The following KCNQ3 variants were observed in gnomAD, a reference collection of about 807,000 sequenced individuals.
KCNQ3 encodes potassium voltage-gated channel subfamily Q member 3, also known as potassium voltage-gated channel subfamily KQT member 3.
Under a neutral mutation model 92.5 loss-of-function variants are expected in KCNQ3, and 30 were observed. That is an observed-to-expected ratio of 0.32 (90% CI 0.24 to 0.44). The LOEUF (loss-of-function observed/expected upper bound fraction) is 0.44. KCNQ3 is among the 20% of genes least tolerant of loss of function. The pLI is 1.00. For missense variants in KCNQ3, 913 were observed against 1,140.3 expected (o/e 0.80, Z 2.87); for synonymous variants, 450 against 468.8 (o/e 0.96, Z 0.52).
intron 1 of KCNQ3, among the ~76,000 whole-genome samples, chr8:132,399,210 C>T (rs1409835557): frequency 6.6e-6 from 1 of 152,190 alleles, no homozygotes; most frequent in Non-Finnish European, 1.5e-5. Flanking sequence ...CAATAAAAAA[C>T]TCTTTTAATG....
chr8:132,426,448 G>C (rs1488496019), intron 1 of KCNQ3, among the ~76,000 whole-genome samples: 2 of 152,232 alleles, frequency 1.3e-5, no homozygotes, highest in African/African-American at 4.8e-5. Context: ...GCCTCTCACA[G>C]CCTGGTTTGC....
intron 1 of KCNQ3, among the ~76,000 whole-genome samples, chr8:132,188,654 G>T (rs551868645): frequency 1.3e-5 from 2 of 152,298 alleles, no homozygotes; most frequent in African/African-American, 4.8e-5. Context: ...TTTATTTGGT[G>T]CCTCTTTTGT....
At chr8:132,290,856 C>T (rs754384001) in intron 1 of KCNQ3, among the ~76,000 whole-genome samples, 1 of 152,100 alleles carries the variant, frequency 6.6e-6, no homozygotes, top group African/African-American at 2.4e-5. Context: ...GAAGAATACT[C>T]GAGTCCTGCA....
chr8:132,175,253 C>T (rs371542384), intron 5 of KCNQ3, among the ~76,000 whole-genome samples, 200 bp downstream of exon 5: 12 of 152,356 alleles, frequency 7.9e-5, no homozygotes, highest in South Asian at 2.1e-4. Flanking sequence ...TTCTTATAAA[C>T]GCTAGAGAAA....
intron 1 of KCNQ3, among the ~76,000 whole-genome samples, chr8:132,418,516 T>TG (rs1820881040): frequency 6.6e-6 from 1 of 152,184 alleles, no homozygotes; most frequent in African/African-American, 2.4e-5. Context: ...CCGGGCACAG[T>TG]GGTTCACACC....
rs113979022 is a variant in KCNQ3, at chr8:132,324,142, C to T, written c.387-137961G>A. ...TTTCAATCTGAAATATCCTTCAAGC[C>T]ATTCAATACCATGTTCAAATGTCAA... On this transcript the variant is annotated intron_variant, in intron 1 of 14. Transcript: ENST00000388996. Among the ~76,000 whole-genome samples the T allele has an allele frequency of 7.7e-3, 1,165 of 152,280 alleles. 16 individuals are homozygous for T. The highest frequency in any genetic ancestry group is 0.027 in the African/African-American group (1,105 of 41,550).
intron 1 of KCNQ3, among the ~76,000 whole-genome samples, chr8:132,211,518 T>C (rs1813852486): frequency 6.6e-6 from 1 of 152,246 alleles, no homozygotes; most frequent in South Asian, 2.1e-4. Flanking sequence ...GATCTATAAA[T>C]GTGTCACTTT....
At chr8:132,255,352 T>C (rs761762830) in intron 1 of KCNQ3, among the ~76,000 whole-genome samples, 1 of 152,166 alleles carries the variant, frequency 6.6e-6, no homozygotes, top group East Asian at 1.9e-4. Flanking sequence ...CAGAGAAGTT[T>C]GTTGAAAACA....
Position 132,480,622 on chromosome 8 carries a change from G to T in KCNQ3, c.-90C>A, listed in dbSNP as rs1419580821. On this transcript the variant is annotated 5_prime_UTR_variant, in exon 1 of 15. Transcript: ENST00000388996. ...GGTGCGTGAACGAGGCGGCGGCGGC[G>T]GCTGCAAGCCCGGGAACTCCAATGC... is the stretch of plus-strand genomic sequence containing the variant. 5 of 1,182,216 alleles carry T rather than the reference G, an allele frequency of 4.2e-6. No homozygotes were observed. The highest frequency in any genetic ancestry group is 2.9e-5 in the Admixed American group (1 of 34,970). The allele number at this position is 1,182,216 out of a possible 1,614,324, so 73.2% of individuals were successfully genotyped here. A position where few individuals can be genotyped will look rare whatever the true frequency, so the allele number is the denominator to read the frequency against.
intron 1 of KCNQ3, among the ~76,000 whole-genome samples, chr8:132,266,297 G>A (rs995222212): frequency 2.0e-5 from 3 of 152,126 alleles, no homozygotes; most frequent in East Asian, 1.9e-4. Context: ...ATAGTCTCTC[G>A]GCCACCTCAG....
intron 1 of KCNQ3, among the ~76,000 whole-genome samples, chr8:132,443,527 A>T (rs1332067947): frequency 6.6e-6 from 1 of 151,690 alleles, no homozygotes; most frequent in Non-Finnish European, 1.5e-5. Context: ...ATACATGGAG[A>T]AAAGGGCTTT....
At chr8:132,316,460 T>G (rs1817746378) in intron 1 of KCNQ3, among the ~76,000 whole-genome samples, 1 of 152,240 alleles carries the variant, frequency 6.6e-6, no homozygotes, top group Non-Finnish European at 1.5e-5. Flanking sequence ...CCCAAGCTTC[T>G]GATTTCTCAT....
intron 1 of KCNQ3, among the ~76,000 whole-genome samples, chr8:132,441,582 AAAAC>A (rs56692449): frequency 0.24 from 36,777 of 150,652 alleles, 4,593 homozygotes; most frequent in East Asian, 0.27. Flanking sequence ...AAAACAAAAC[AAAAC>A]AAACAAACAA....
chr8:132,469,416 G>A (rs1314523260), intron 1 of KCNQ3, among the ~76,000 whole-genome samples: 1 of 152,162 alleles, frequency 6.6e-6, no homozygotes, highest in African/African-American at 2.4e-5. Context: ...AGCAGGTATT[G>A]CGATGCCCAT....
chr8:132,425,054 T>A (rs1445833679), intron 1 of KCNQ3, among the ~76,000 whole-genome samples: 1 of 152,218 alleles, frequency 6.6e-6, no homozygotes, highest in Non-Finnish European at 1.5e-5. Flanking sequence ...GGATTCCCAG[T>A]GCCTTTGGAA....
At chr8:132,302,967 G>C (rs1460367634) in intron 1 of KCNQ3, among the ~76,000 whole-genome samples, 2 of 152,098 alleles carry the variant, frequency 1.3e-5, no homozygotes, top group Non-Finnish European at 2.9e-5. Context: ...CCACCCTCCT[G>C]GGGAGCATGC....
At chr8:132,389,011 C>A (rs1334832632) in intron 1 of KCNQ3, among the ~76,000 whole-genome samples, 1 of 152,170 alleles carries the variant, frequency 6.6e-6, no homozygotes, top group African/African-American at 2.4e-5. Context: ...ACACATTTGG[C>A]CTCTACCTCA....
chr8:132,287,644 A>G (rs1052489795), intron 1 of KCNQ3, among the ~76,000 whole-genome samples: 19 of 152,210 alleles, frequency 1.2e-4, no homozygotes, highest in African/African-American at 4.6e-4. Flanking sequence ...TCAACCTTGA[A>G]ATTTGGTGGA....
At chr8:132,289,441 C>T (rs562399605) in intron 1 of KCNQ3, among the ~76,000 whole-genome samples, 29 of 152,306 alleles carry the variant, frequency 1.9e-4, no homozygotes, top group African/African-American at 7.0e-4. Flanking sequence ...CCTTCCTTGT[C>T]TCTTCCAGCT....
Sources: allele counts gnomAD v4.1 joint callset (sites outside exome capture counted in the v4.1 genomes callset), GRCh38; gene constraint gnomAD v4.1.1; transcripts MANE v1.5; gene names NCBI Gene and HGNC (gene_info 2026-07-23, HGNC 2026-07-21).